TAFA1: variants seen among roughly 807,000 people sequenced by gnomAD.
The protein encoded by TAFA1 is TAFA chemokine like family member 1, also known as chemokine-like protein TAFA-1.
Under a neutral mutation model 18.5 loss-of-function variants are expected in TAFA1, and 4 were observed. The ratio of observed to expected loss-of-function variants is 0.22; its 90% CI spans 0.11 to 0.49. TAFA1 has a LOEUF of 0.49. Among genes scored for constraint, TAFA1 ranks in the 20% least tolerant of loss-of-function variants. TAFA1 has a pLI of 0.98. For missense variants in TAFA1, 147 were observed against 169.0 expected (o/e 0.87, Z 0.72); for synonymous variants, 56 against 55.2 (o/e 1.01, Z -0.06).
intron 2 of TAFA1, among the ~76,000 whole-genome samples, chr3:68,392,698 GA>G (rs2070288263): frequency 6.6e-6 from 1 of 152,158 alleles, no homozygotes; most frequent in Non-Finnish European, 1.5e-5. Flanking sequence ...TCACGATTAA[GA>G]AACTCACTCA....
At chr3:68,013,066 T>C (rs1704503499) in intron 2 of TAFA1, among the ~76,000 whole-genome samples, 2 of 152,180 alleles carry the variant, frequency 1.3e-5, no homozygotes, top group African/African-American at 2.4e-5. Flanking sequence ...TCAGATTACA[T>C]GCATTGAGAA....
chr3:68,266,387 C>G (rs570333151), intron 2 of TAFA1, among the ~76,000 whole-genome samples: 1 of 152,220 alleles, frequency 6.6e-6, no homozygotes, highest in African/African-American at 2.4e-5. Flanking sequence ...TAACTGCTGT[C>G]TTTACCCAGA....
At chr3:68,046,053 T>G (rs1705261741) in intron 2 of TAFA1, among the ~76,000 whole-genome samples, 1 of 152,170 alleles carries the variant, frequency 6.6e-6, no homozygotes, top group South Asian at 2.1e-4. Flanking sequence ...CCTCTTAGAT[T>G]TACAGTAATT....
chr3:68,115,486 G>T (rs755471755), intron 2 of TAFA1, among the ~76,000 whole-genome samples: 8 of 152,124 alleles, frequency 5.3e-5, no homozygotes, highest in Non-Finnish European at 8.8e-5. Context: ...AATAGTTCTG[G>T]CATACAGACC....
rs548663410 is a variant in TAFA1, at chr3:68,070,454, C to G, written c.118+63710C>G. Among the ~76,000 whole-genome samples, 95 of 152,320 alleles carry G rather than the reference C, an allele frequency of 6.2e-4. 1 individual carries two copies. The highest frequency in any genetic ancestry group is 2.2e-3 in the African/African-American group (91 of 41,576). On this transcript the variant is annotated intron_variant, in intron 2 of 4. Coordinates refer to ENST00000478136, the MANE Select transcript of TAFA1 (RefSeq NM_213609.4). Reference sequence around the variant, plus strand: ...TAGGAAACCATCTTGTCCACCTAGGCCAGTGATGGGAGGGGCTGTGATGGG... The same window carrying G: ...TAGGAAACCATCTTGTCCACCTAGGGCAGTGATGGGAGGGGCTGTGATGGG...
intron 2 of TAFA1, among the ~76,000 whole-genome samples, chr3:68,315,937 T>G (rs888437429): frequency 3.3e-5 from 5 of 152,132 alleles, no homozygotes; most frequent in African/African-American, 1.2e-4. Context: ...ACCTGAGGTC[T>G]GTGAAGAGGA....
chr3:68,486,810 C>T lies in TAFA1; in HGVS notation c.260-51946C>T, dbSNP rs865969483. On this transcript the variant is annotated intron_variant, in intron 3 of 4. Coordinates refer to ENST00000478136, the MANE Select transcript of TAFA1 (RefSeq NM_213609.4). ...GGCACATACACAACTGAGCTACCCA[C>T]TTCTCATTCAATATCTTAGCATTTT... Among the ~76,000 whole-genome samples the T allele has an allele frequency of 4.6e-5, 7 of 152,348 alleles. No homozygotes were observed. The South Asian group carries it at 1.4e-3, about 32-fold the overall frequency.
At chr3:68,270,844 T>A (rs2067651883) in intron 2 of TAFA1, among the ~76,000 whole-genome samples, 1 of 152,096 alleles carries the variant, frequency 6.6e-6, no homozygotes, top group South Asian at 2.1e-4. Flanking sequence ...ATGAAGCACC[T>A]GGGGGGCATT....
the TAFA1 span, among the ~76,000 whole-genome samples, chr3:67,994,667 A>G: frequency 3.3e-5 from 5 of 152,196 alleles, no homozygotes; most frequent in Non-Finnish European, 7.3e-5. Context: ...GTGGCTCTTC[A>G]GAATCTGAAA....
chr3:68,050,928 A>G (rs2064463905), intron 2 of TAFA1, among the ~76,000 whole-genome samples: 1 of 152,202 alleles, frequency 6.6e-6, no homozygotes, highest in South Asian at 2.1e-4. Flanking sequence ...TGTTTGGCCC[A>G]TAAGCCAAAG....
At position 68,188,883 on chromosome 3, in the gene TAFA1, A is replaced by G. The variant is rs557316376; in HGVS notation, c.118+182139A>G. Among the ~76,000 whole-genome samples, 179 of 151,510 alleles carry G rather than the reference A, an allele frequency of 1.2e-3. 1 individual carries two copies. Among genetic ancestry groups the G allele is most frequent in the African/African-American group, 4.0e-3 (166 of 41,326 alleles). On this transcript the variant is annotated intron_variant, in intron 2 of 4. Transcript: ENST00000478136. Reference sequence around the variant, plus strand: ...TTGTTCGTTTGTTTGTTTGTTTTGGAGCTTTCTGTTTCCTTCATGGATACA... The same window carrying G: ...TTGTTCGTTTGTTTGTTTGTTTTGGGGCTTTCTGTTTCCTTCATGGATACA...
chr3:68,384,583 A>G lies in TAFA1; in HGVS notation c.119-32697A>G, dbSNP rs1036045043. Among the ~76,000 whole-genome samples, 3 of 152,084 alleles carry G rather than the reference A, an allele frequency of 2.0e-5. No individual in the cohort carries two copies. The South Asian group carries it at 6.2e-4, about 32-fold the overall frequency. On this transcript the variant is annotated intron_variant, in intron 2 of 4. Transcript: ENST00000478136. ...ATTTGCTGAAAAGTGTTTTACTTAC[A>G]ATTATGTGATTGATTTTAGAGTAAG...
chr3:68,120,177 CTTTCTT>C (rs2065375004), intron 2 of TAFA1, among the ~76,000 whole-genome samples: 3 of 15,760 alleles, frequency 1.9e-4, no homozygotes, highest in Admixed American at 8.8e-4. Context: ...CTTTCTCTTT[CTTTCTT>C]TCTTTCTTTC....
rs73836861 is a variant in TAFA1, at chr3:68,304,782, G to A, written c.119-112498G>A. On this transcript the variant is annotated intron_variant, in intron 2 of 4. Coordinates refer to ENST00000478136, the MANE Select transcript of TAFA1 (RefSeq NM_213609.4). ...AGTTAATTATTTGGTCAGTTGGTAA[G>A]AGGAAGTAAAAGTGAAGTTATCACG... Among the ~76,000 whole-genome samples, 319 of 152,292 alleles carry A rather than the reference G, an allele frequency of 2.1e-3. 1 individual carries two copies. The highest frequency in any genetic ancestry group is 7.5e-3 in the African/African-American group (311 of 41,560).
chr3:68,265,810 C>A (rs961525742), intron 2 of TAFA1, among the ~76,000 whole-genome samples: 1 of 152,108 alleles, frequency 6.6e-6, no homozygotes, highest in African/African-American at 2.4e-5. Context: ...CAGGTGTAGC[C>A]CAGACATGGC....
At chr3:67,998,034 AC>A in the TAFA1 span, among the ~76,000 whole-genome samples, 2 of 151,944 alleles carry the variant, frequency 1.3e-5, no homozygotes, top group Admixed American at 6.5e-5. Context: ...AACATAAAAA[AC>A]ATATATTAAA....
chr3:68,390,264 C>T (rs1387931038), intron 2 of TAFA1, among the ~76,000 whole-genome samples: 1 of 151,882 alleles, frequency 6.6e-6, no homozygotes, highest in Non-Finnish European at 1.5e-5. Flanking sequence ...CAGAGCTCAC[C>T]ACAGAACCAC....
intron 2 of TAFA1, among the ~76,000 whole-genome samples, chr3:68,069,369 C>T (rs6419757): frequency 0.9 from 136,671 of 152,188 alleles, 61,635 homozygotes; most frequent in South Asian, 0.95. Context: ...ATAGAACCAT[C>T]AGATTTCGTG....
intron 3 of TAFA1, among the ~76,000 whole-genome samples, chr3:68,419,771 T>A (rs2070918898): frequency 6.6e-6 from 1 of 152,126 alleles, no homozygotes; most frequent in Non-Finnish European, 1.5e-5. Context: ...AGTAGGTGGT[T>A]AGAAAGAGAA....
Sources: gnomAD v4.1 joint callset for allele counts (sites outside exome capture counted in the v4.1 genomes callset) on GRCh38, gnomAD v4.1.1 for gene constraint, MANE v1.5 for transcripts, NCBI Gene and HGNC (gene_info 2026-07-23, HGNC 2026-07-21) for gene names.